Variants in SHANK2 observed in about 807,000 individuals in gnomAD.
SHANK2 encodes SH3 and multiple ankyrin repeat domains 2, also known as SH3 and multiple ankyrin repeat domains protein 2.
A neutral mutation model predicts 133.7 loss-of-function variants in SHANK2; 43 were observed. The observed-to-expected ratio is 0.32, with a 90% CI of 0.25 to 0.41. The LOEUF (loss-of-function observed/expected upper bound fraction) is 0.41, where lower values mean the gene tolerates loss of function less well. SHANK2 is among the 10% of genes least tolerant of loss of function. The probability of loss-of-function intolerance (pLI) is 1.00; values close to 1 mark genes in which losing one functional copy is unlikely to be tolerated. For synonymous variants in SHANK2, 1,017 were observed against 952.8 expected, an observed-to-expected ratio of 1.07 and a Z score of -1.24; for missense variants, 1,994 against 2,235.8, an observed-to-expected ratio of 0.89 and a Z score of 2.18.
intron 15 of SHANK2, chr11:70,661,908 A>G (rs1944552656): frequency 2.5e-6 from 3 of 1,193,890 alleles, no homozygotes; most frequent in South Asian, 1.2e-5. Context: ...GGGTGGGGGC[A>G]GGCAGAGCCG....
At chr11:70,797,753 C>T (rs1947944876) in intron 14 of SHANK2, among the ~76,000 whole-genome samples, 2 of 151,860 alleles carry the variant, frequency 1.3e-5, no homozygotes, top group South Asian at 4.1e-4. Context: ...TGGGATTCTA[C>T]TAAAAGCCAG....
chr11:70,893,148 T>G (rs1294330174), intron 11 of SHANK2, among the ~76,000 whole-genome samples: 13 of 152,362 alleles, frequency 8.5e-5, no homozygotes, highest in South Asian at 8.3e-4. Flanking sequence ...ATGCTGTACG[T>G]GAAGTGCTGG....
At chr11:70,643,571 A>G (rs1375927158) in intron 17 of SHANK2, among the ~76,000 whole-genome samples, 1 of 129,464 alleles carries the variant, frequency 7.7e-6, no homozygotes, top group African/African-American at 3.9e-5. Context: ...GTCTCGGAAA[A>G]AAAAAAAAAA....
rs1481697748 is a variant in SHANK2 at position 71,061,599 on chromosome 11, A to AC, written c.1030-5042dup. ...ATGACACAGGTGGGGGTCTCCTTCCACCCCCAGCAATGCCCTTTCCCTGGA... is the reference window on the plus strand; with the variant it reads ...ATGACACAGGTGGGGGTCTCCTTCCACCCCCCAGCAATGCCCTTTCCCTGGA... On this transcript the variant is annotated intron_variant, in intron 9 of 25. Coordinates refer to ENST00000601538, the MANE Select transcript of SHANK2 (RefSeq NM_012309.5). Among the ~76,000 whole-genome samples the AC allele has an allele frequency of 9.7e-4, 148 of 151,814 alleles. 1 individual carries two copies. Among genetic ancestry groups the AC allele is most frequent in the African/African-American group, 3.3e-3 (136 of 41,396 alleles).
chr11:70,859,577 G>T (rs1590766020), intron 11 of SHANK2, among the ~76,000 whole-genome samples: 1 of 152,138 alleles, frequency 6.6e-6, no homozygotes, highest in Non-Finnish European at 1.5e-5. Flanking sequence ...GGACTAGTCA[G>T]AAAAGTGGAT....
intron 2 of SHANK2, among the ~76,000 whole-genome samples, chr11:71,183,255 AG>A (rs1178896929): frequency 6.6e-6 from 1 of 152,160 alleles, no homozygotes; most frequent in Non-Finnish European, 1.5e-5. Context: ...CAAGGGGCAA[AG>A]GTGCTGGAGT....
At chr11:70,875,659 A>C (rs1009244876) in intron 11 of SHANK2, among the ~76,000 whole-genome samples, 5 of 152,156 alleles carry the variant, frequency 3.3e-5, no homozygotes, top group Admixed American at 6.5e-5. Flanking sequence ...CTAGGAGACC[A>C]GCCTGGGAAA....
chr11:70,752,941 C>T (rs1241819400), intron 14 of SHANK2, among the ~76,000 whole-genome samples: 3 of 151,800 alleles, frequency 2.0e-5, no homozygotes, highest in Admixed American at 6.6e-5. Flanking sequence ...TGGTGAAACC[C>T]TGTCTATACT....
chr11:70,593,348 T>C (rs1236443214), intron 17 of SHANK2, among the ~76,000 whole-genome samples: 1 of 152,264 alleles, frequency 6.6e-6, no homozygotes, highest in African/African-American at 2.4e-5. Flanking sequence ...AAATATTTAC[T>C]AATCTGAACA....
rs149176119 is a variant in SHANK2 at position 71,218,093 on chromosome 11, G to T, written c.-13+6604C>A. The stretch of plus-strand genomic sequence containing the variant: ...TCTCGATCTCCTTACCTTGTGATTC[G>T]CCTCCTTACCTTGTGATTAGCCTTC... On this transcript the variant is annotated intron_variant, in intron 2 of 25. Transcript: ENST00000601538. Among the ~76,000 whole-genome samples the T allele has an allele frequency of 4.4e-3, 672 of 151,942 alleles. 2 individuals are homozygous for T. The highest frequency in any genetic ancestry group is 0.016 in the African/African-American group (643 of 41,420).
intron 14 of SHANK2, among the ~76,000 whole-genome samples, chr11:70,701,322 T>C (rs1349616349): frequency 6.6e-6 from 1 of 152,186 alleles, no homozygotes; most frequent in Non-Finnish European, 1.5e-5. Flanking sequence ...AACATAACAT[T>C]CACCAAGTTT....
chr11:70,792,212 C>A (rs1394599356), intron 14 of SHANK2, among the ~76,000 whole-genome samples: 2 of 152,026 alleles, frequency 1.3e-5, no homozygotes, highest in African/African-American at 2.4e-5. Context: ...ACCAACCAAC[C>A]AACCAACTAA....
rs150451391 is a variant in SHANK2, at chr11:70,858,858, G to T, written c.1174+37643C>A. Among the ~76,000 whole-genome samples, 3 of 152,282 alleles carry T rather than the reference G, an allele frequency of 2.0e-5. No homozygotes were observed. The East Asian group carries it at 5.8e-4, about 29-fold the overall frequency. ...CCAAGCAAGTTCTTTCCTACTGCAG[G>T]GTCTTGGCCAAAGCTGTTTTCAGGA... On this transcript the variant is annotated intron_variant, in intron 11 of 25. Coordinates refer to ENST00000601538, the MANE Select transcript of SHANK2 (RefSeq NM_012309.5).
chr11:70,899,314 T>C (rs1820344633), intron 10 of SHANK2, among the ~76,000 whole-genome samples: 1 of 152,188 alleles, frequency 6.6e-6, no homozygotes, highest in East Asian at 1.9e-4. Flanking sequence ...GCATTTCCCC[T>C]GCTGACACTC....
At chr11:71,056,785 G>C (rs1294539535) in intron 9 of SHANK2, among the ~76,000 whole-genome samples, 1 of 147,796 alleles carries the variant, frequency 6.8e-6, no homozygotes. Flanking sequence ...CCTATAGAAA[G>C]TCTTGCACAT....
rs372258432 is a variant in SHANK2 at position 70,863,474 on chromosome 11, C to G, written c.1174+33027G>C. On this transcript the variant is annotated intron_variant, in intron 11 of 25. Transcript: ENST00000601538. Reference sequence around the variant, plus strand: ...GGCCACGGCTATGTGGTGGAAGACACGGATTCTGTGGGGGGTTTTCCTTAT... The same window carrying G: ...GGCCACGGCTATGTGGTGGAAGACAGGGATTCTGTGGGGGGTTTTCCTTAT... 13 of 457,762 alleles carry G rather than the reference C, an allele frequency of 2.8e-5. No individual in the cohort carries two copies. In the Admixed American group the frequency reaches 3.1e-4, roughly 11 times the overall value. The allele number at this position is 457,762 out of a possible 1,614,324, so 28.4% of individuals were successfully genotyped here.
At chr11:71,105,672 G>C (rs983476801) in intron 6 of SHANK2, among the ~76,000 whole-genome samples, 1 of 151,520 alleles carries the variant, frequency 6.6e-6, no homozygotes, top group Non-Finnish European at 1.5e-5. Flanking sequence ...AGGAGCTCTC[G>C]GGCAGTGAAG....
intron 4 of SHANK2, 133 bp downstream of exon 4, chr11:71,118,696 T>C: frequency 2.5e-6 from 2 of 807,724 alleles, no homozygotes; most frequent in Non-Finnish European, 3.8e-6. Context: ...GACCCCAGAC[T>C]GATTTTTAAA....
At chr11:70,905,803 G>GTTTTTTT (rs112602946) in intron 10 of SHANK2, among the ~76,000 whole-genome samples, 6 of 136,716 alleles carry the variant, frequency 4.4e-5, no homozygotes, top group African/African-American at 1.6e-4. Flanking sequence ...CCCAGTTTAT[G>GTTTTTTT]TTTTTTTTTT....
Sources: allele counts gnomAD v4.1 joint callset (sites outside exome capture counted in the v4.1 genomes callset), GRCh38; gene constraint gnomAD v4.1.1; transcripts MANE v1.5; gene names NCBI Gene and HGNC (gene_info 2026-07-23, HGNC 2026-07-21).